The following ZNF536 variants were observed in gnomAD, a reference collection of about 807,000 sequenced individuals.
The protein encoded by ZNF536 is zinc finger protein 536.
Under a neutral mutation model 84.5 loss-of-function variants are expected in ZNF536, and 13 were observed. The ratio of observed to expected loss-of-function variants is 0.15; its 90% CI spans 0.10 to 0.24. The LOEUF (loss-of-function observed/expected upper bound fraction) is 0.24, where lower values mean the gene tolerates loss of function less well. Among genes scored for constraint, ZNF536 ranks in the 10% least tolerant of loss-of-function variants. The pLI, the probability that ZNF536 is intolerant of heterozygous loss-of-function variation, is 1.00. For missense variants in ZNF536, 1,536 were observed against 1,747.5 expected (o/e 0.88, Z 2.16); for synonymous variants, 811 against 742.5 (o/e 1.09, Z -1.50).
At chr19:30,616,364 G>A (rs1285355580) in intron 1 of ZNF536, among the ~76,000 whole-genome samples, 1 of 152,104 alleles carries the variant, frequency 6.6e-6, no homozygotes, top group African/African-American at 2.4e-5. Context: ...GTTTTAATCA[G>A]GGATTTGTGT....
intron 2 of ZNF536, among the ~76,000 whole-genome samples, chr19:30,321,675 G>A (rs762019245): frequency 1.1e-4 from 17 of 150,650 alleles, no homozygotes; most frequent in Non-Finnish European, 2.5e-4. Flanking sequence ...CAAACCAGAT[G>A]CTAACCTCTA....
At chr19:30,660,034 T>A (rs2147561920) in intron 1 of ZNF536, among the ~76,000 whole-genome samples, 1 of 152,200 alleles carries the variant, frequency 6.6e-6, no homozygotes, top group East Asian at 1.9e-4. Context: ...TAAAGCCCCA[T>A]CTATACCTCC....
intron 2 of ZNF536, among the ~76,000 whole-genome samples, chr19:30,449,675 A>T (rs918626352): frequency 1.3e-5 from 2 of 152,216 alleles, no homozygotes; most frequent in Non-Finnish European, 2.9e-5. Flanking sequence ...TACAGGATCA[A>T]TGGAAAGCCA....
At chr19:30,630,981 G>A (rs529537172) in intron 1 of ZNF536, among the ~76,000 whole-genome samples, 19 of 152,224 alleles carry the variant, frequency 1.2e-4, no homozygotes, top group South Asian at 4.1e-4. Context: ...GCCGAGGCTC[G>A]CTCCTAGATC....
chr19:30,510,034 TG>T (rs1270350579), intron 2 of ZNF536, among the ~76,000 whole-genome samples: 1 of 152,106 alleles, frequency 6.6e-6, no homozygotes, highest in Non-Finnish European at 1.5e-5. Flanking sequence ...GAAAATATTG[TG>T]GGGGGAAATT....
intron 1 of ZNF536, among the ~76,000 whole-genome samples, chr19:30,637,249 A>C (rs1206621635): frequency 6.6e-6 from 1 of 152,092 alleles, no homozygotes; most frequent in African/African-American, 2.4e-5. Flanking sequence ...CCTCTTTTCA[A>C]CCCACCCTAA....
chr19:30,535,314 C>A (rs1366697016), intron 3 of ZNF536, among the ~76,000 whole-genome samples: 1 of 152,174 alleles, frequency 6.6e-6, no homozygotes, highest in African/African-American at 2.4e-5. Context: ...TTGAAGGAGT[C>A]CCTCCCCAGG....
intron 3 of ZNF536, among the ~76,000 whole-genome samples, chr19:30,356,774 A>G (rs1211081369): frequency 6.6e-6 from 1 of 152,222 alleles, no homozygotes; most frequent in East Asian, 1.9e-4. Flanking sequence ...ATATCATCTC[A>G]ATTAATCCTC....
intron 1 of ZNF536, among the ~76,000 whole-genome samples, chr19:30,577,396 A>C (rs1359886621): frequency 1.3e-5 from 2 of 152,192 alleles, no homozygotes; most frequent in Non-Finnish European, 2.9e-5. Flanking sequence ...CTGTGCAGAG[A>C]AGTCAGTTCA....
At chr19:30,480,924 A>G (rs1802606957) in intron 2 of ZNF536, among the ~76,000 whole-genome samples, 1 of 151,586 alleles carries the variant, frequency 6.6e-6, no homozygotes, top group Non-Finnish European at 1.5e-5. Context: ...AATTCCAGAT[A>G]CTTGGGAGGC....
Position 30,444,259 on chromosome 19 carries a change from GC to G in ZNF536, c.701del (p.Pro234ArgfsTer159). On this transcript the variant is annotated frameshift_variant, in exon 2 of 5. Coordinates refer to ENST00000355537, the MANE Select transcript of ZNF536 (RefSeq NM_014717.3). LOFTEE classifies it high-confidence loss of function. The stretch of plus-strand genomic sequence containing the variant: ...GAAGCCCCCGCCGCACGCCCAGCAG[GC>G]CCCGCTGGCCGCCTGCACCCTGGCC... ...DLKPPPHAQQ[A>X]PLAACTLALQ... 6.4e-7 allele frequency: 1 copy of G among 1,551,268 alleles called. No individual in the cohort carries two copies. Among genetic ancestry groups the G allele is most frequent in the Non-Finnish European group, 8.7e-7 (1 of 1,155,552 alleles).
At chr19:30,488,167 C>G (rs756620851) in intron 2 of ZNF536, among the ~76,000 whole-genome samples, 4 of 152,222 alleles carry the variant, frequency 2.6e-5, no homozygotes, top group Non-Finnish European at 5.9e-5. Context: ...TGTGGGATGA[C>G]TATCCCTAGA....
At chr19:30,337,160 C>T (rs2047407747) in intron 2 of ZNF536, among the ~76,000 whole-genome samples, 1 of 152,108 alleles carries the variant, frequency 6.6e-6, no homozygotes, top group African/African-American at 2.4e-5. Flanking sequence ...ACTTGGATCA[C>T]CCTCAAGGGA....
At chr19:30,420,982 G>A (rs1600663035) in intron 1 of ZNF536, among the ~76,000 whole-genome samples, 1 of 152,126 alleles carries the variant, frequency 6.6e-6, no homozygotes, top group Non-Finnish European at 1.5e-5. Flanking sequence ...TCACTTACAC[G>A]CTGAGGTTGA....
chr19:30,459,413 C>T lies in ZNF536; in HGVS notation c.2170+13681C>T, dbSNP rs1405459641. On this transcript the variant is annotated intron_variant, in intron 2 of 4. Coordinates refer to ENST00000355537, the MANE Select transcript of ZNF536 (RefSeq NM_014717.3). ...TCACCCAGGCTGGAATGCCATGGCT[C>T]CGTCTTGGCTCACTGCAACCTCTGC... Among the ~76,000 whole-genome samples the T allele has an allele frequency of 3.4e-5, 5 of 147,394 alleles. No homozygotes were observed. In the East Asian group the frequency reaches 1.0e-3, roughly 29 times the overall value.
chr19:30,503,589 T>G (rs1412250937), intron 2 of ZNF536, among the ~76,000 whole-genome samples: 1 of 152,204 alleles, frequency 6.6e-6, no homozygotes, highest in African/African-American at 2.4e-5. Context: ...AGAAACATTC[T>G]CAAAGTTGCT....
rs369627370 is a variant in ZNF536, at chr19:30,530,730, T to G, written c.2171-4117T>G. ...CTGCAACATAAACCAGTGACTGCTTTCTCCACCTGATGTTATGGGGTGCCA... is the reference window on the plus strand; with the variant it reads ...CTGCAACATAAACCAGTGACTGCTTGCTCCACCTGATGTTATGGGGTGCCA... On this transcript the variant is annotated intron_variant, in intron 2 of 4. Coordinates refer to ENST00000355537, the MANE Select transcript of ZNF536 (RefSeq NM_014717.3). Among the ~76,000 whole-genome samples, 3 of 152,298 alleles carry G rather than the reference T, an allele frequency of 2.0e-5. 1 individual carries two copies. Among genetic ancestry groups the G allele is most frequent in the Admixed American group, 1.3e-4 (2 of 15,294 alleles).
intron 1 of ZNF536, among the ~76,000 whole-genome samples, chr19:30,276,591 C>T (rs919889863): frequency 1.3e-5 from 2 of 152,142 alleles, no homozygotes; most frequent in East Asian, 1.9e-4. Flanking sequence ...TGTAAACCAT[C>T]GCCATAATAG....
At chr19:30,314,078 G>A (rs1192996569) in intron 2 of ZNF536, among the ~76,000 whole-genome samples, 1 of 152,212 alleles carries the variant, frequency 6.6e-6, no homozygotes, top group Non-Finnish European at 1.5e-5. Context: ...TGGCTGGTGT[G>A]CTAAGCAAAT....
Sources: allele counts gnomAD v4.1 joint callset (sites outside exome capture counted in the v4.1 genomes callset), GRCh38; gene constraint gnomAD v4.1.1; transcripts MANE v1.5; gene names NCBI Gene and HGNC (gene_info 2026-07-23, HGNC 2026-07-21).